Variants in SLC8A1 observed in about 807,000 individuals in gnomAD.
The protein encoded by SLC8A1 is sodium/calcium exchanger 1.
SLC8A1 carries 18 observed loss-of-function variants against 68.3 expected under a neutral mutation model. The observed-to-expected ratio is 0.26, with a 90% confidence interval of 0.18 to 0.39. SLC8A1 has a LOEUF of 0.39. Ranked by LOEUF, SLC8A1 falls within the 10% of genes least tolerant of loss-of-function variation. The probability of loss-of-function intolerance (pLI) is 1.00; values close to 1 mark genes in which losing one functional copy is unlikely to be tolerated. For missense variants in SLC8A1, 985 were observed against 1,156.7 expected (o/e 0.85, Z 2.15); for synonymous variants, 475 against 415.5 (o/e 1.14, Z -1.74).
chr2:40,358,339 G>T (rs781311938), intron 2 of SLC8A1, among the ~76,000 whole-genome samples: 3 of 151,030 alleles, frequency 2.0e-5, no homozygotes, highest in Non-Finnish European at 4.4e-5. Context: ...AAATGTCCTT[G>T]TAGAAACATC....
chr2:40,501,911 TTCTA>T (rs1576678149), intron 1 of SLC8A1, among the ~76,000 whole-genome samples: 1 of 152,046 alleles, frequency 6.6e-6, no homozygotes, highest in African/African-American at 2.4e-5. Context: ...GAACTTTTCT[TTCTA>T]TCTCTCTACT....
At chr2:40,293,017 G>A (rs1373419268) in intron 2 of SLC8A1, among the ~76,000 whole-genome samples, 1 of 152,058 alleles carries the variant, frequency 6.6e-6, no homozygotes, top group Non-Finnish European at 1.5e-5. Flanking sequence ...TCATTTCAGA[G>A]GCCTTCTTTC....
At chr2:40,283,065 T>A (rs1008379361) in intron 2 of SLC8A1, among the ~76,000 whole-genome samples, 4 of 152,230 alleles carry the variant, frequency 2.6e-5, no homozygotes, top group African/African-American at 4.8e-5. Context: ...TTTACTTAAT[T>A]AACTATTCTA....
At chr2:40,424,996 T>C (rs975896492) in intron 2 of SLC8A1, among the ~76,000 whole-genome samples, 2 of 149,282 alleles carry the variant, frequency 1.3e-5, no homozygotes, top group African/African-American at 4.9e-5. Context: ...GTGTAGATAT[T>C]ACCTACCAAA....
At chr2:40,422,196 T>C (rs1365524113) in intron 2 of SLC8A1, among the ~76,000 whole-genome samples, 1 of 152,152 alleles carries the variant, frequency 6.6e-6, no homozygotes, top group African/African-American at 2.4e-5. Context: ...TTAACTCTAC[T>C]GTTGCAAGGC....
intron 2 of SLC8A1, among the ~76,000 whole-genome samples, chr2:40,269,807 T>C (rs767190704): frequency 1.3e-5 from 2 of 152,056 alleles, no homozygotes; most frequent in African/African-American, 2.4e-5. Context: ...TATTTTATTA[T>C]TATTATACTT....
chr2:40,119,464 G>C (rs950241848), intron 7 of SLC8A1, among the ~76,000 whole-genome samples: 1 of 152,166 alleles, frequency 6.6e-6, no homozygotes, highest in African/African-American at 2.4e-5. Flanking sequence ...CCGCTTTGCT[G>C]CTCAGCACAT....
In SLC8A1 at chr2:40,223,364, CAG is replaced by C. The variant is rs763825586; in HGVS notation, c.1809-45511_1809-45510del. ...GGGAACATCACACACCAGGGCCTGT[CAG>C]GGGGTGGGGAGCTAAAGGAGGGATA... is the stretch of plus-strand genomic sequence containing the variant. On this transcript the variant is annotated intron_variant, in intron 2 of 7. Coordinates refer to ENST00000406785, the Ensembl canonical transcript of SLC8A1. Among the ~76,000 whole-genome samples the C allele has an allele frequency of 8.6e-5, 13 of 152,040 alleles. No homozygotes were observed. The South Asian group carries it at 1.2e-3, about 15-fold the overall frequency.
exon 8 of SLC8A1, chr2:40,111,154 A>G (rs2034532879): frequency 1.3e-5 from 2 of 152,210 alleles, no homozygotes; most frequent in African/African-American, 4.8e-5. Flanking sequence ...ATGAACTACA[A>G]AAAGCAAAAT....
intron 2 of SLC8A1, among the ~76,000 whole-genome samples, chr2:40,229,617 C>T (rs1574384611): frequency 6.6e-6 from 1 of 152,138 alleles, no homozygotes; most frequent in Non-Finnish European, 1.5e-5. Flanking sequence ...TTCACAACAC[C>T]ACATCAGTGT....
intron 2 of SLC8A1, among the ~76,000 whole-genome samples, chr2:40,421,521 T>C (rs1046850239): frequency 9.9e-5 from 15 of 152,114 alleles, no homozygotes; most frequent in Non-Finnish European, 1.5e-4. Context: ...AAAAACTATA[T>C]CTGGAAAATA....
At chr2:40,354,272 G>A (rs1167444390) in intron 2 of SLC8A1, among the ~76,000 whole-genome samples, 1 of 152,088 alleles carries the variant, frequency 6.6e-6, no homozygotes. Context: ...ATTTGAATTT[G>A]CATTATTATA....
chr2:40,244,023 C>T (rs1286008198), intron 2 of SLC8A1, among the ~76,000 whole-genome samples: 4 of 148,172 alleles, frequency 2.7e-5, no homozygotes, highest in African/African-American at 5.0e-5. Flanking sequence ...TGGGGGACAA[C>T]GCTCCCATCA....
intron 2 of SLC8A1, among the ~76,000 whole-genome samples, chr2:40,406,239 C>G (rs1690280074): frequency 6.6e-6 from 1 of 152,150 alleles, no homozygotes; most frequent in African/African-American, 2.4e-5. Flanking sequence ...CCCTATAGAA[C>G]ATTTTCTTTT....
chr2:40,168,058 T>C (rs1013235773), intron 4 of SLC8A1, among the ~76,000 whole-genome samples: 4 of 152,082 alleles, frequency 2.6e-5, no homozygotes, highest in African/African-American at 9.7e-5. Flanking sequence ...ACAAAACGGA[T>C]CATTTTTTCA....
At chr2:40,204,418 G>A (rs2054985019) in intron 2 of SLC8A1, among the ~76,000 whole-genome samples, 1 of 151,990 alleles carries the variant, frequency 6.6e-6, no homozygotes, top group Non-Finnish European at 1.5e-5. Flanking sequence ...TAACCACAAT[G>A]ACAACTATGT....
intron 2 of SLC8A1, among the ~76,000 whole-genome samples, chr2:40,307,605 C>T (rs1194821886): frequency 1.3e-5 from 2 of 152,054 alleles, no homozygotes; most frequent in Admixed American, 6.6e-5. Context: ...AAATAACATC[C>T]CATTTTGGTT....
At chr2:40,493,602 C>G (rs1333380789) in intron 1 of SLC8A1, among the ~76,000 whole-genome samples, 1 of 150,482 alleles carries the variant, frequency 6.6e-6, no homozygotes, top group East Asian at 1.9e-4. Flanking sequence ...GAAACCAAGC[C>G]TAAACCACAC....
chr2:40,253,455 CAAGTAT>C (rs941497997), intron 2 of SLC8A1, among the ~76,000 whole-genome samples: 3 of 151,868 alleles, frequency 2.0e-5, no homozygotes, highest in African/African-American at 7.3e-5. Flanking sequence ...CACAGAAAGA[CAAGTAT>C]TATATGTTCT....
Sources: gnomAD v4.1 joint callset for allele counts (sites outside exome capture counted in the v4.1 genomes callset) on GRCh38, gnomAD v4.1.1 for gene constraint, MANE v1.5 for transcripts, NCBI Gene and HGNC (gene_info 2026-07-23, HGNC 2026-07-21) for gene names.